The following MAOA variants were observed in gnomAD, a reference collection of about 807,000 sequenced individuals.
MAOA encodes the protein amine oxidase [flavin-containing] A.
A neutral mutation model predicts 42.0 loss-of-function variants in MAOA; 6 were observed. The ratio of observed to expected loss-of-function variants is 0.14; its 90% CI spans 0.08 to 0.28. MAOA has a LOEUF of 0.28. Among genes scored for constraint, MAOA ranks in the 10% least tolerant of loss-of-function variants. MAOA has a pLI of 1.00. For missense variants in MAOA, 262 were observed against 422.3 expected (o/e 0.62, Z 3.33); for synonymous variants, 140 against 154.0 (o/e 0.91, Z 0.67).
chrX:43,662,750 C>T (rs753911598), intron 1 of MAOA, among the ~76,000 whole-genome samples: 12 of 109,908 alleles, frequency 1.1e-4, no homozygotes, highest in Non-Finnish European at 2.3e-4. Context: ...TGTAGACACC[C>T]GATAAATAGT....
At chrX:43,664,645 T>C (rs1162331710) in intron 1 of MAOA, among the ~76,000 whole-genome samples, 3 of 112,263 alleles carry the variant, frequency 2.7e-5, no homozygotes, top group Non-Finnish European at 5.6e-5. Flanking sequence ...AGCTTGGAGC[T>C]GTGGCCTAAG....
At chrX:43,665,106 A>G (rs1169799685) in intron 1 of MAOA, among the ~76,000 whole-genome samples, 1 of 112,157 alleles carries the variant, frequency 8.9e-6, no homozygotes, top group East Asian at 2.8e-4. Flanking sequence ...ACCTTGCTCC[A>G]ACATGCTCAG....
intron 1 of MAOA, among the ~76,000 whole-genome samples, chrX:43,671,470 G>A (rs1206861516): frequency 8.9e-6 from 1 of 112,010 alleles, no homozygotes; most frequent in Non-Finnish European, 1.9e-5. Flanking sequence ...GTCAATTTTG[G>A]CTTTTGTTGC....
rs376930994 is a variant in MAOA, at chrX:43,671,968, A to T, written c.74-11545A>T. On this transcript the variant is annotated intron_variant, in intron 1 of 14. Coordinates refer to ENST00000338702, the MANE Select transcript of MAOA (RefSeq NM_000240.4). Reference sequence around the variant, plus strand: ...TATGAAGTTTAAAGTAGTTTTTTCCAATTATGTGAAGAAAGTCATTGGTAG... The same window carrying T: ...TATGAAGTTTAAAGTAGTTTTTTCCTATTATGTGAAGAAAGTCATTGGTAG... Among the ~76,000 whole-genome samples, 35 of 110,765 alleles carry T rather than the reference A, an allele frequency of 3.2e-4. No individual in the cohort carries two copies. The East Asian group carries it at 9.7e-3, about 31-fold the overall frequency.
chrX:43,672,578 A>G (rs377683771), intron 1 of MAOA, among the ~76,000 whole-genome samples: 1 of 111,354 alleles, frequency 9.0e-6, no homozygotes, highest in South Asian at 3.7e-4. Flanking sequence ...TTGGCTGTGG[A>G]TTTGTCATAG....
chrX:43,681,348 A>G (rs1222040573), intron 1 of MAOA, among the ~76,000 whole-genome samples: 1 of 111,287 alleles, frequency 9.0e-6, no homozygotes, highest in Non-Finnish European at 1.9e-5. Flanking sequence ...CTAGGACTAC[A>G]GGGTTACTAC....
intron 5 of MAOA, among the ~76,000 whole-genome samples, chrX:43,717,728 G>A (rs907217922): frequency 9.0e-6 from 1 of 110,911 alleles, no homozygotes; most frequent in Admixed American, 9.6e-5. Flanking sequence ...AAGACTGGTA[G>A]GGTAGATGGT....
At chrX:43,677,412 C>A (rs1170609188) in intron 1 of MAOA, among the ~76,000 whole-genome samples, 2 of 111,545 alleles carry the variant, frequency 1.8e-5, no homozygotes, top group African/African-American at 3.3e-5. Context: ...TGGCTGCATA[C>A]AACATCTCAC....
At chrX:43,734,294 G>A (rs1221939131) in intron 9 of MAOA, among the ~76,000 whole-genome samples, 1 of 110,678 alleles carries the variant, frequency 9.0e-6, no homozygotes, top group Non-Finnish European at 1.9e-5. Flanking sequence ...AAGTACAGAA[G>A]ATGAGAGTTT....
At chrX:43,706,844 G>A (rs1263616866) in intron 3 of MAOA, among the ~76,000 whole-genome samples, 1 of 110,502 alleles carries the variant, frequency 9.0e-6, no homozygotes, top group African/African-American at 3.3e-5. Flanking sequence ...CATTATTGAT[G>A]GTATGGCATC....
chrX:43,742,877 T>C (rs1199884646), intron 12 of MAOA, among the ~76,000 whole-genome samples: 2 of 98,808 alleles, frequency 2.0e-5, no homozygotes, highest in African/African-American at 7.4e-5. Context: ...TTTATTAACC[T>C]TTTCGTTACA....
In MAOA at chrX:43,706,155, T is replaced by C. The variant is rs201702508; in HGVS notation, c.307-5717T>C. On this transcript the variant is annotated intron_variant, in intron 3 of 14. Transcript: ENST00000338702. ...GTTCTAAAATGAGATGTGATGATGGTTGCATGCTCTGTGAATATACCAAAG... is the reference window on the plus strand; with the variant it reads ...GTTCTAAAATGAGATGTGATGATGGCTGCATGCTCTGTGAATATACCAAAG... Among the ~76,000 whole-genome samples, 7 of 112,225 alleles carry C rather than the reference T, an allele frequency of 6.2e-5. No individual in the cohort carries two copies. The East Asian group carries it at 2.0e-3, about 31-fold the overall frequency.
At chrX:43,714,514 C>T (rs932563400) in intron 5 of MAOA, among the ~76,000 whole-genome samples, 8 of 109,966 alleles carry the variant, frequency 7.3e-5, no homozygotes, top group African/African-American at 2.0e-4. Context: ...ATGGATGTTG[C>T]GGGGATATCA....
chrX:43,743,462 A>G (rs145629678), intron 12 of MAOA, among the ~76,000 whole-genome samples: 8 of 110,813 alleles, frequency 7.2e-5, no homozygotes, highest in African/African-American at 2.6e-4. Flanking sequence ...CAGGGAGAAG[A>G]ATGGACTGCC....
chrX:43,692,025 ACACACACACACACG>A (rs1277025654), intron 2 of MAOA, among the ~76,000 whole-genome samples: 1,065 of 65,635 alleles, frequency 0.016, 15 homozygotes, highest in African/African-American at 0.055. Context: ...ACACACACAC[ACACACACACACACG>A]CACGCACACA....
intron 5 of MAOA, among the ~76,000 whole-genome samples, chrX:43,725,483 A>T (rs1362795247): frequency 9.1e-6 from 1 of 109,935 alleles, no homozygotes; most frequent in Non-Finnish European, 1.9e-5. Flanking sequence ...AGAGACTAAG[A>T]TTACAACCCC....
intron 5 of MAOA, among the ~76,000 whole-genome samples, chrX:43,716,053 G>A (rs765056505): frequency 1.1e-4 from 12 of 110,703 alleles, no homozygotes; most frequent in Non-Finnish European, 2.1e-4. Context: ...AAGGGTAAAG[G>A]TTGTGAAGGG....
Position 43,683,572 on chromosome X carries a change from C to T in MAOA, c.133C>T (p.Arg45Trp), listed in dbSNP as rs796065312. 1 of 1,208,817 alleles carries T rather than the reference C, an allele frequency of 8.3e-7. No individual in the cohort carries two copies. The highest frequency in any genetic ancestry group is 1.1e-6 in the Non-Finnish European group (1 of 893,245). ...YGVSVLVLEA[R>W]DRVGGRTYTI... is the part of the protein sequence containing the mutation. ...CGTTAGTGTTTTGGTTTTAGAAGCT[C>T]GGGACAGGGTTGGAGGAAGAACATA... The change falls in exon 2 of 15, where the codon CGG becomes TGG. Residue 45 changes from arginine (R) to tryptophan (W), a missense_variant. Transcript: ENST00000338702.
At chrX:43,656,238 C>A, upstream of MAOA, 1 of 704,896 alleles carries the variant, frequency 1.4e-6, no homozygotes, top group Non-Finnish European at 2.2e-6. Context: ...AAAGAAGGAT[C>A]GGCTCCGCCC....
Sources: gnomAD v4.1 joint callset for allele counts (sites outside exome capture counted in the v4.1 genomes callset) on GRCh38, gnomAD v4.1.1 for gene constraint, MANE v1.5 for transcripts, NCBI Gene and HGNC (gene_info 2026-07-23, HGNC 2026-07-21) for gene names.